The following PHKA1 variants were observed in gnomAD, a reference collection of about 807,000 sequenced individuals.
PHKA1 encodes the protein phosphorylase b kinase regulatory subunit alpha, skeletal muscle isoform.
In PHKA1, 60 loss-of-function variants were observed where a neutral mutation model predicts 110.2. That is an observed-to-expected ratio of 0.54 (90% CI 0.44 to 0.68). PHKA1 has a LOEUF of 0.68. PHKA1 is among the 30% of genes least tolerant of loss of function. The probability of loss-of-function intolerance (pLI) is 0.00; values close to 1 mark genes in which losing one functional copy is unlikely to be tolerated. For missense variants in PHKA1, 801 were observed against 942.5 expected, an observed-to-expected ratio of 0.85 and a Z score of 1.97; for synonymous variants, 316 against 333.6, an observed-to-expected ratio of 0.95 and a Z score of 0.58.
intron 28 of PHKA1, among the ~76,000 whole-genome samples, chrX:72,595,003 C>T (rs2052570757): frequency 8.9e-6 from 1 of 111,800 alleles, no homozygotes; most frequent in Admixed American, 9.5e-5. Context: ...CAGAAAACTA[C>T]AGTCCAATAT....
chrX:72,641,913 TG>T (rs1179859594), intron 14 of PHKA1, among the ~76,000 whole-genome samples: 1 of 111,935 alleles, frequency 8.9e-6, no homozygotes, highest in African/African-American at 3.2e-5. Flanking sequence ...GTGTTTTATA[TG>T]TAACACCGTG....
chrX:72,635,320 A>C lies in PHKA1; in HGVS notation c.1570-21T>G, dbSNP rs1228891034. 6.8e-6 allele frequency: 8 copies of C among 1,172,007 alleles called. No homozygotes were observed. The African/African-American group carries it at 1.4e-4, about 21-fold the overall frequency. On this transcript the variant is annotated intron_variant, in intron 15 of 31. Transcript: ENST00000373542. ...ATAAACTGAGACAAATAAAAATAAT[A>C]GATTAGATTAATTTACTCTCACAAT...
intron 16 of PHKA1, among the ~76,000 whole-genome samples, chrX:72,632,075 G>C (rs1390794232): frequency 9.0e-6 from 1 of 111,121 alleles, no homozygotes; most frequent in African/African-American, 3.3e-5. Context: ...TTTATGTCAC[G>C]TATCTGGCAA....
chrX:72,654,065 GA>G (rs71830176), intron 10 of PHKA1, among the ~76,000 whole-genome samples: 3,817 of 99,577 alleles, frequency 0.038, 82 homozygotes, highest in African/African-American at 0.068. Flanking sequence ...AATTTATGAT[GA>G]AAAAAAAAAA....
intron 13 of PHKA1, among the ~76,000 whole-genome samples, chrX:72,648,575 T>C (rs1250372100): frequency 5.4e-5 from 6 of 111,014 alleles, no homozygotes; most frequent in East Asian, 2.8e-4. Flanking sequence ...TCTTTTTTTT[T>C]CCCCAATAGC....
Position 72,686,846 on chromosome X carries a change from C to T in PHKA1, c.455-2266G>A, listed in dbSNP as rs150578811. On this transcript the variant is annotated intron_variant, in intron 4 of 31. Transcript: ENST00000373542. ...CATTTCAGAGTAAGCTGCAGATATC[C>T]GTACACTTCCCTCTAAATACTTCAT... Among the ~76,000 whole-genome samples, 407 of 111,586 alleles carry T rather than the reference C, an allele frequency of 3.6e-3. 1 individual carries two copies. Among genetic ancestry groups the T allele is most frequent in the African/African-American group, 0.013 (395 of 30,789 alleles).
intron 21 of PHKA1, 34 bp downstream of exon 21, chrX:72,618,676 A>G (rs1249670805): frequency 9.2e-7 from 1 of 1,091,770 alleles, no homozygotes; most frequent in Non-Finnish European, 1.3e-6. Flanking sequence ...CTGATTATGA[A>G]CATTAAACTA....
intron 2 of PHKA1, among the ~76,000 whole-genome samples, chrX:72,710,262 CAA>C (rs1337244591): frequency 8.1e-5 from 9 of 111,670 alleles, no homozygotes; most frequent in African/African-American, 2.9e-4. Flanking sequence ...AAACACGGAT[CAA>C]AAATACAGGA....
chrX:72,654,166 T>C (rs1040473484), intron 10 of PHKA1, among the ~76,000 whole-genome samples: 7 of 112,095 alleles, frequency 6.2e-5, no homozygotes, highest in Non-Finnish European at 1.3e-4. Context: ...ATGAATTTCA[T>C]GTTTGGTTAT....
chrX:72,678,229 T>C (rs1556312729), intron 5 of PHKA1, among the ~76,000 whole-genome samples: 1 of 111,696 alleles, frequency 9.0e-6, no homozygotes, highest in East Asian at 2.8e-4. Context: ...ACCTGGGCAC[T>C]GGGTACACTC....
rs193021502 is a variant in PHKA1 at position 72,612,482 on chromosome X, A to G, written c.2370-1298T>C. Among the ~76,000 whole-genome samples the G allele has an allele frequency of 3.6e-5, 4 of 112,190 alleles. No homozygotes were observed. The Admixed American group carries it at 3.8e-4, about 11-fold the overall frequency. On this transcript the variant is annotated intron_variant, in intron 21 of 31. Coordinates refer to ENST00000373542, the MANE Select transcript of PHKA1 (RefSeq NM_002637.4). Reference sequence around the variant, plus strand: ...AAAATACCTATTTTTTGATCTATCAATTCGAGTTCTGGTTTACTTGCATGA... The same window carrying G: ...AAAATACCTATTTTTTGATCTATCAGTTCGAGTTCTGGTTTACTTGCATGA...
chrX:72,603,326 T>C (rs2052682960), intron 25 of PHKA1, 106 bp from the exon 26 acceptor site: 1 of 522,011 alleles, frequency 1.9e-6, no homozygotes, highest in South Asian at 2.6e-5. Flanking sequence ...AGTCACTTGA[T>C]TGGAAGAACA....
intron 29 of PHKA1, among the ~76,000 whole-genome samples, chrX:72,588,651 A>G (rs1556219128): frequency 9.0e-6 from 1 of 111,680 alleles, no homozygotes; most frequent in East Asian, 2.8e-4. Context: ...TGGTTTTTTG[A>G]AAAGATCAAA....
At chrX:72,682,352 C>T (rs1466107746) in intron 5 of PHKA1, among the ~76,000 whole-genome samples, 12 of 106,638 alleles carry the variant, frequency 1.1e-4, no homozygotes, top group Middle Eastern at 5.0e-3. Context: ...GGGTCAGCCC[C>T]CTGCCCGGCC....
At chrX:72,629,167 A>AT (rs1199377128) in intron 16 of PHKA1, among the ~76,000 whole-genome samples, 1 of 111,473 alleles carries the variant, frequency 9.0e-6, no homozygotes, top group Non-Finnish European at 1.9e-5. Context: ...TGTTTTTATT[A>AT]TTATTGGGAA....
chrX:72,599,678 C>T (rs1556239505), intron 28 of PHKA1: 1 of 350,151 alleles, frequency 2.9e-6, no homozygotes, highest in African/African-American at 2.6e-5. Context: ...AGATTCACCC[C>T]CATATATGAA....
At chrX:72,585,879 G>A (rs782232904) in intron 29 of PHKA1, among the ~76,000 whole-genome samples, 14 of 112,395 alleles carry the variant, frequency 1.2e-4, no homozygotes, top group South Asian at 3.7e-4. Flanking sequence ...AGGGGTGTCC[G>A]CCATTGCTGA....
chrX:72,650,554 A>T (rs2053417509), intron 12 of PHKA1, 86 bp from the exon 13 acceptor site: 3 of 711,848 alleles, frequency 4.2e-6, no homozygotes, highest in South Asian at 2.3e-5. Flanking sequence ...TATGCCCATA[A>T]CCTTGCACCA....
At chrX:72,672,017 A>G (rs2053709573) in intron 6 of PHKA1, among the ~76,000 whole-genome samples, 2 of 112,471 alleles carry the variant, frequency 1.8e-5, no homozygotes, top group South Asian at 7.4e-4. Context: ...CATTCAGAAC[A>G]GAAGCTGTTT....
Sources: allele counts gnomAD v4.1 joint callset (sites outside exome capture counted in the v4.1 genomes callset), GRCh38; gene constraint gnomAD v4.1.1; transcripts MANE v1.5; gene names NCBI Gene and HGNC (gene_info 2026-07-23, HGNC 2026-07-21).